Variants in CDC42SE2 observed in about 807,000 individuals in gnomAD.
CDC42SE2 encodes CDC42 small effector 2.
Under a neutral mutation model 11.5 loss-of-function variants are expected in CDC42SE2, and 3 were observed. That is an observed-to-expected ratio of 0.26 (90% CI 0.12 to 0.67). The LOEUF (loss-of-function observed/expected upper bound fraction) is 0.67. Among genes scored for constraint, CDC42SE2 ranks in the 30% least tolerant of loss-of-function variants. The pLI, the probability that CDC42SE2 is intolerant of heterozygous loss-of-function variation, is 0.80. For synonymous variants in CDC42SE2, 33 were observed against 34.8 expected, an observed-to-expected ratio of 0.95 and a Z score of 0.18; for missense variants, 82 against 106.8, an observed-to-expected ratio of 0.77 and a Z score of 1.02.
chr5:131,333,643 T>C (rs1232018855), intron 2 of CDC42SE2, among the ~76,000 whole-genome samples: 4 of 152,190 alleles, frequency 2.6e-5, no homozygotes, highest in African/African-American at 4.8e-5. Flanking sequence ...TTTATTTCAT[T>C]GAGCAATGGT....
intron 1 of CDC42SE2, among the ~76,000 whole-genome samples, chr5:131,279,157 G>A (rs1757179728): frequency 6.6e-6 from 1 of 152,142 alleles, no homozygotes; most frequent in African/African-American, 2.4e-5. Context: ...CTTTATGGTG[G>A]TCAGTGGAGT....
upstream of CDC42SE2, among the ~76,000 whole-genome samples, chr5:131,240,613 T>TG (rs1418126780): frequency 9.9e-5 from 15 of 152,254 alleles, no homozygotes; most frequent in Admixed American, 9.8e-4. Flanking sequence ...TACACCTTTG[T>TG]TCACCATGAT....
At chr5:131,297,831 G>A (rs1055741558) in intron 1 of CDC42SE2, among the ~76,000 whole-genome samples, 5 of 151,748 alleles carry the variant, frequency 3.3e-5, no homozygotes, top group African/African-American at 1.2e-4. Context: ...AGAAATAATC[G>A]ATCGACAAAT....
chr5:131,368,697 G>A (rs552141624), intron 3 of CDC42SE2, among the ~76,000 whole-genome samples: 2 of 152,202 alleles, frequency 1.3e-5, no homozygotes, highest in Non-Finnish European at 2.9e-5. Flanking sequence ...TGAGCCCTGT[G>A]TACCCATCTC....
intron 2 of CDC42SE2, among the ~76,000 whole-genome samples, chr5:131,355,187 G>A (rs185136209): frequency 1.4e-4 from 21 of 152,200 alleles, no homozygotes; most frequent in Admixed American, 1.2e-3. Flanking sequence ...AATATATACT[G>A]TACTTTCATA....
chr5:131,297,711 CT>C (rs1757600031), intron 1 of CDC42SE2, among the ~76,000 whole-genome samples: 1 of 151,198 alleles, frequency 6.6e-6, no homozygotes, highest in Non-Finnish European at 1.5e-5. Flanking sequence ...CAGAGCAAGA[CT>C]CCATTTCAAA....
intron 1 of CDC42SE2, among the ~76,000 whole-genome samples, chr5:131,254,324 T>G (rs1756663289): frequency 6.6e-6 from 1 of 152,074 alleles, no homozygotes. Context: ...GGTGGATCAC[T>G]TGAGGTTAGG....
At chr5:131,298,491 A>G (rs1355998248) in intron 1 of CDC42SE2, among the ~76,000 whole-genome samples, 1 of 151,522 alleles carries the variant, frequency 6.6e-6, no homozygotes, top group African/African-American at 2.4e-5. Context: ...GATATTATTT[A>G]GTATGACGTC....
At chr5:131,256,266 A>C (rs1756679155) in intron 2 of CDC42SE2, among the ~76,000 whole-genome samples, 1 of 152,180 alleles carries the variant, frequency 6.6e-6, no homozygotes, top group Non-Finnish European at 1.5e-5. Context: ...ATAATCATAA[A>C]CAAAAATCCC....
At chr5:131,246,216 G>A (rs995766487) in intron 1 of CDC42SE2, among the ~76,000 whole-genome samples, 2 of 152,184 alleles carry the variant, frequency 1.3e-5, no homozygotes, top group Non-Finnish European at 2.9e-5. Context: ...AGCGCTTTGG[G>A]AGGCTGCAGC....
chr5:131,259,031 C>A (rs1580716696), upstream of CDC42SE2, among the ~76,000 whole-genome samples: 1 of 152,180 alleles, frequency 6.6e-6, no homozygotes, highest in African/African-American at 2.4e-5. Context: ...CTGCTTCAGT[C>A]ACAGAAAGGG....
Position 131,359,432 on chromosome 5 carries a change from T to C in CDC42SE2, c.-62T>C, listed in dbSNP as rs1469704567. 8.0e-7 allele frequency: 1 copy of C among 1,242,844 alleles called. No individual in the cohort carries two copies. The highest frequency in any genetic ancestry group is 1.2e-6 in the Non-Finnish European group (1 of 840,818). 77.0% of individuals were successfully genotyped at this position (1,242,844 alleles called of 1,614,324 possible). On this transcript the variant is annotated 5_prime_UTR_variant, in exon 3 of 5. Coordinates refer to ENST00000505065, the MANE Select transcript of CDC42SE2 (RefSeq NM_001375635.1). ...ATCATCGTATTGAGGAGCGTATTTTTGGAACTTCCCGAGTTGAGATTTGGA... is the reference window on the plus strand; with the variant it reads ...ATCATCGTATTGAGGAGCGTATTTTCGGAACTTCCCGAGTTGAGATTTGGA...
intron 1 of CDC42SE2, among the ~76,000 whole-genome samples, chr5:131,251,446 T>G (rs1756637821): frequency 6.6e-6 from 1 of 152,236 alleles, no homozygotes; most frequent in Non-Finnish European, 1.5e-5. Flanking sequence ...TCAAGTAAGT[T>G]AATTTCCTTT....
chr5:131,364,233 C>T (rs971200886), intron 3 of CDC42SE2, among the ~76,000 whole-genome samples: 8 of 152,094 alleles, frequency 5.3e-5, no homozygotes, highest in African/African-American at 1.9e-4. Flanking sequence ...AAGAGGATGA[C>T]GTTGGAGAAA....
At chr5:131,257,472 T>G (rs943002924) in intron 2 of CDC42SE2, among the ~76,000 whole-genome samples, 7 of 148,810 alleles carry the variant, frequency 4.7e-5, no homozygotes, top group African/African-American at 1.8e-4. Flanking sequence ...TCTGTTCCAC[T>G]TGCTAATTTT....
intron 2 of CDC42SE2, among the ~76,000 whole-genome samples, chr5:131,322,819 G>T (rs1442077732): frequency 2.6e-5 from 4 of 152,176 alleles, no homozygotes; most frequent in Non-Finnish European, 5.9e-5. Context: ...TATCCCAGAA[G>T]TAGATAGTAT....
rs1360905136 is a variant in CDC42SE2, at chr5:131,392,396, A to ATTTC, written c.*1309_*1312dup. 3 of 152,772 alleles carry ATTTC rather than the reference A, an allele frequency of 2.0e-5. No individual in the cohort carries two copies. The highest frequency in any genetic ancestry group is 4.8e-5 in the African/African-American group (2 of 41,440). 9.5% of individuals were successfully genotyped at this position (152,772 alleles called of 1,614,324 possible). On this transcript the variant is annotated 3_prime_UTR_variant, in exon 5 of 5. Transcript: ENST00000505065. Reference sequence around the variant, plus strand: ...AGCCCATGGGATGCCAGAAATTAACATTTCTTTGCTGCCATGGGCTGATGA... The same window carrying ATTTC: ...AGCCCATGGGATGCCAGAAATTAACATTTCTTTCTTTGCTGCCATGGGCTGATGA...
chr5:131,219,417 C>G, the CDC42SE2 span, among the ~76,000 whole-genome samples: 1 of 152,082 alleles, frequency 6.6e-6, no homozygotes, highest in Non-Finnish European at 1.5e-5. Flanking sequence ...TCTCAATGTA[C>G]CTCAATATCC....
At chr5:131,285,930 C>T (rs1034034626) in intron 1 of CDC42SE2, among the ~76,000 whole-genome samples, 1 of 152,008 alleles carries the variant, frequency 6.6e-6, no homozygotes, top group African/African-American at 2.4e-5. Context: ...AAATCAGCAA[C>T]AGAAAGATAG....
Sources: gnomAD v4.1 joint callset for allele counts (sites outside exome capture counted in the v4.1 genomes callset) on GRCh38, gnomAD v4.1.1 for gene constraint, MANE v1.5 for transcripts, NCBI Gene and HGNC (gene_info 2026-07-23, HGNC 2026-07-21) for gene names.